The following MAGI2 variants were observed in gnomAD, a reference collection of about 807,000 sequenced individuals.
The protein encoded by MAGI2 is membrane associated guanylate kinase, WW and PDZ domain containing 2, also known as membrane-associated guanylate kinase, WW and PDZ domain-containing protein 2.
A neutral mutation model predicts 133.3 loss-of-function variants in MAGI2; 35 were observed. That is an observed-to-expected ratio of 0.26 (90% CI 0.20 to 0.35). The LOEUF (loss-of-function observed/expected upper bound fraction) is 0.35. Ranked by LOEUF, MAGI2 falls within the 10% of genes least tolerant of loss-of-function variation. The pLI is 1.00. For synonymous variants in MAGI2, 729 were observed against 710.6 expected (o/e 1.03, Z -0.41); for missense variants, 1,636 against 1,863.4 (o/e 0.88, Z 2.25).
chr7:78,310,246 C>T (rs1049669770), intron 9 of MAGI2, among the ~76,000 whole-genome samples: 1 of 151,986 alleles, frequency 6.6e-6, no homozygotes, highest in African/African-American at 2.4e-5. Context: ...ATCATCCTGG[C>T]CAACATGGTG....
intron 1 of MAGI2, among the ~76,000 whole-genome samples, chr7:79,188,372 T>C (rs7795408): frequency 0.18 from 27,056 of 151,652 alleles, 5,582 homozygotes; most frequent in African/African-American, 0.49. Context: ...TGAGAACATG[T>C]GGTGTTTGGT....
chr7:79,372,289 CCCAGGAGATGT>C (rs1843098393), intron 1 of MAGI2, among the ~76,000 whole-genome samples: 1 of 151,934 alleles, frequency 6.6e-6, no homozygotes, highest in Non-Finnish European at 1.5e-5. Flanking sequence ...ATGAAACTAT[CCCAGGAGATGT>C]ATGATTATTC....
intron 1 of MAGI2, among the ~76,000 whole-genome samples, chr7:79,131,691 C>T (rs1484441294): frequency 6.6e-6 from 1 of 152,030 alleles, no homozygotes; most frequent in Non-Finnish European, 1.5e-5. Flanking sequence ...GCAACCAGGA[C>T]TAAGAAAAAA....
intron 2 of MAGI2, among the ~76,000 whole-genome samples, chr7:78,741,495 T>A (rs1822432697): frequency 2.0e-5 from 3 of 150,120 alleles, no homozygotes; most frequent in African/African-American, 7.4e-5. Flanking sequence ...TATACTTTAA[T>A]GACATTGAGG....
intron 1 of MAGI2, among the ~76,000 whole-genome samples, chr7:79,114,665 G>GC (rs1402519522): frequency 2.6e-5 from 4 of 152,084 alleles, no homozygotes; most frequent in South Asian, 2.1e-4. Context: ...GACACACAGA[G>GC]CCCCCCCATT....
At chr7:78,571,386 T>C (rs563627957) in intron 3 of MAGI2, among the ~76,000 whole-genome samples, 30 of 152,280 alleles carry the variant, frequency 2.0e-4, no homozygotes, top group African/African-American at 5.8e-4. Context: ...TAAAGAACAT[T>C]TGGGGAATAT....
At chr7:79,232,100 G>T (rs1416471071) in intron 1 of MAGI2, among the ~76,000 whole-genome samples, 1 of 152,120 alleles carries the variant, frequency 6.6e-6, no homozygotes, top group Non-Finnish European at 1.5e-5. Flanking sequence ...TACATTTACT[G>T]ATTTGCGTAT....
chr7:78,691,210 T>C (rs1169334291), intron 2 of MAGI2, among the ~76,000 whole-genome samples: 1 of 152,182 alleles, frequency 6.6e-6, no homozygotes, highest in Non-Finnish European at 1.5e-5. Flanking sequence ...CTGGGTTAGG[T>C]ACCACTCTTA....
At chr7:78,914,558 A>G (rs777474316) in intron 2 of MAGI2, among the ~76,000 whole-genome samples, 1 of 152,152 alleles carries the variant, frequency 6.6e-6, no homozygotes, top group African/African-American at 2.4e-5. Context: ...CATATATTGC[A>G]TTTCACAGAA....
intron 2 of MAGI2, among the ~76,000 whole-genome samples, chr7:78,650,248 T>C (rs1811405099): frequency 6.6e-6 from 1 of 152,152 alleles, no homozygotes; most frequent in Non-Finnish European, 1.5e-5. Context: ...GCATTAGAAA[T>C]AGGATTAGCC....
chr7:79,047,928 A>G lies in MAGI2; in HGVS notation c.302-40722T>C, dbSNP rs149261295. ...CATGGAAATAGATTTTTAGAAGTCA[A>G]TAAATGTTAAACTTCTTTCCACAGT... On this transcript the variant is annotated intron_variant, in intron 1 of 21. Coordinates refer to ENST00000354212, the MANE Select transcript of MAGI2 (RefSeq NM_012301.4). Among the ~76,000 whole-genome samples, 5 of 152,306 alleles carry G rather than the reference A, an allele frequency of 3.3e-5. No homozygotes were observed. The East Asian group carries it at 9.7e-4, about 29-fold the overall frequency.
intron 5 of MAGI2, among the ~76,000 whole-genome samples, chr7:78,498,675 T>TA (rs1271890566): frequency 6.6e-6 from 1 of 152,172 alleles, no homozygotes; most frequent in Non-Finnish European, 1.5e-5. Flanking sequence ...CGCTCTGTGA[T>TA]ACCTGCGTTC....
rs542641682 is a variant in MAGI2, at chr7:78,550,315, A to C, written c.539-28670T>G. ...GCACCTCAGTTTTTATAAGAGAATC[A>C]ATCCTATCTGCCACTCAGCTGATAA... On this transcript the variant is annotated intron_variant, in intron 3 of 21. Transcript: ENST00000354212. 1.4e-4 allele frequency among the ~76,000 whole-genome samples: 22 copies of C among 152,316 alleles called. No individual in the cohort carries two copies. The South Asian group carries it at 3.9e-3, about 27-fold the overall frequency.
intron 14 of MAGI2, among the ~76,000 whole-genome samples, chr7:78,172,424 C>T (rs1826206576): frequency 6.6e-6 from 1 of 152,232 alleles, no homozygotes; most frequent in Non-Finnish European, 1.5e-5. Flanking sequence ...CTTTGAATGG[C>T]TTTTCTCCCA....
intron 1 of MAGI2, among the ~76,000 whole-genome samples, chr7:79,276,718 CT>C (rs1835254131): frequency 6.6e-6 from 1 of 152,156 alleles, no homozygotes; most frequent in African/African-American, 2.4e-5. Flanking sequence ...AATCCCAACA[CT>C]TTGGGAGGCC....
chr7:78,548,694 TCAAAA>T (rs918493664), intron 3 of MAGI2, among the ~76,000 whole-genome samples: 1 of 152,162 alleles, frequency 6.6e-6, no homozygotes, highest in African/African-American at 2.4e-5. Context: ...AAACTCCGTC[TCAAAA>T]CAAAACAAAA....
chr7:78,521,667 T>A (rs1300490536), intron 3 of MAGI2, 22 bp from the exon 4 acceptor site: 3 of 1,595,884 alleles, frequency 1.9e-6, no homozygotes, highest in Non-Finnish European at 2.6e-6. Flanking sequence ...ACCAAAACAT[T>A]CTTGGAGTTA....
chr7:78,762,353 G>T (rs1479102005), intron 2 of MAGI2, among the ~76,000 whole-genome samples: 1 of 152,106 alleles, frequency 6.6e-6, no homozygotes, highest in Non-Finnish European at 1.5e-5. Context: ...TGAGGCAAGA[G>T]AATTGCTTTA....
chr7:78,019,950 C>G lies in MAGI2; in HGVS notation c.3733G>C (p.Ala1245Pro). 6.2e-7 allele frequency: 1 copy of G among 1,607,276 alleles called. No homozygotes were observed. Among genetic ancestry groups the G allele is most frequent in the Non-Finnish European group, 8.5e-7 (1 of 1,177,548 alleles). The change falls in exon 22 of 22, where the codon GCT becomes CCT. Residue 1245 changes from alanine to proline, a missense_variant. Around this residue, in one of 5 missense-constraint regions of MAGI2, gnomAD observed 354 missense variants for 298.7 expected, o/e 1.19. Transcript: ENST00000354212. Reference protein sequence around the residue: ...YDEPAPWSSPAAAAPGLPEVG... With the variant: ...YDEPAPWSSPPAAAPGLPEVG... ...TCCGGCAGACCTGGGGCGGCGGCAG[C>G]GGGAGAACTCCAGGGGGCGGGTTCG...
Sources: allele counts gnomAD v4.1 joint callset (sites outside exome capture counted in the v4.1 genomes callset), GRCh38; gene constraint gnomAD v4.1.1; regional missense constraint gnomAD v4.1.1; transcripts MANE v1.5; gene names NCBI Gene and HGNC (gene_info 2026-07-23, HGNC 2026-07-21).